Variants in NEGR1 observed in about 807,000 individuals in gnomAD.
NEGR1 encodes the protein neuronal growth regulator 1.
In NEGR1, 10 loss-of-function variants were observed where a neutral mutation model predicts 40.9. The observed-to-expected ratio is 0.24, with a 90% confidence interval of 0.15 to 0.42. The LOEUF (loss-of-function observed/expected upper bound fraction) is 0.42. Among genes scored for constraint, NEGR1 ranks in the 10% least tolerant of loss-of-function variants. The pLI is 1.00. For synonymous variants in NEGR1, 185 were observed against 166.8 expected (o/e 1.11, Z -0.84); for missense variants, 352 against 438.9 (o/e 0.80, Z 1.77).
At chr1:71,484,074 AC>A (rs1646871816) in intron 6 of NEGR1, among the ~76,000 whole-genome samples, 3 of 151,682 alleles carry the variant, frequency 2.0e-5, no homozygotes, top group African/African-American at 7.3e-5. Context: ...ACCATATTCT[AC>A]TTATTTTACT....
intron 1 of NEGR1, among the ~76,000 whole-genome samples, chr1:72,265,861 A>G (rs1240506018): frequency 6.6e-6 from 1 of 150,860 alleles, no homozygotes; most frequent in African/African-American, 2.4e-5. Flanking sequence ...GTCCTACTAG[A>G]TAGGACTTAA....
chr1:71,709,254 C>T (rs116001460), intron 3 of NEGR1, among the ~76,000 whole-genome samples: 3,681 of 152,230 alleles, frequency 0.024, 66 homozygotes, highest in Non-Finnish European at 0.037. Flanking sequence ...GAATTCTCTG[C>T]GGAGAATTTT....
intron 1 of NEGR1, among the ~76,000 whole-genome samples, chr1:72,155,504 A>G (rs1349545076): frequency 6.6e-6 from 1 of 152,064 alleles, no homozygotes; most frequent in Non-Finnish European, 1.5e-5. Flanking sequence ...TCTCAAAAAA[A>G]GATGCATTAA....
intron 1 of NEGR1, among the ~76,000 whole-genome samples, chr1:72,144,221 G>T (rs977619791): frequency 2.0e-5 from 3 of 151,168 alleles, no homozygotes; most frequent in Admixed American, 2.0e-4. Flanking sequence ...GGTCTTGCAG[G>T]CACTCCCAAT....
intron 1 of NEGR1, among the ~76,000 whole-genome samples, chr1:72,062,401 T>C (rs1025658132): frequency 6.6e-6 from 1 of 151,940 alleles, no homozygotes; most frequent in African/African-American, 2.4e-5. Context: ...ATATTAGCAA[T>C]ATTCCTTAGG....
At chr1:71,897,798 A>T (rs1317661822) in intron 2 of NEGR1, among the ~76,000 whole-genome samples, 11 of 152,318 alleles carry the variant, frequency 7.2e-5, no homozygotes, top group African/African-American at 2.4e-4. Context: ...ATGGTACAAG[A>T]TCTCTAAAAA....
At chr1:72,066,392 C>T (rs1250073662) in intron 1 of NEGR1, among the ~76,000 whole-genome samples, 1 of 152,156 alleles carries the variant, frequency 6.6e-6, no homozygotes, top group Non-Finnish European at 1.5e-5. Flanking sequence ...TAGTCTCCTA[C>T]TTCTAGAGGC....
intron 6 of NEGR1, among the ~76,000 whole-genome samples, chr1:71,454,769 A>G (rs1162738876): frequency 6.6e-6 from 1 of 152,238 alleles, no homozygotes; most frequent in Non-Finnish European, 1.5e-5. Flanking sequence ...GACTCACAAG[A>G]TGTGCCTACC....
intron 1 of NEGR1, among the ~76,000 whole-genome samples, chr1:72,074,037 G>A (rs950370708): frequency 5.3e-5 from 8 of 151,914 alleles, no homozygotes; most frequent in African/African-American, 1.2e-4. Flanking sequence ...TCTATGATAC[G>A]CTATTTCATA....
chr1:71,782,356 T>C (rs1426838269), intron 2 of NEGR1, among the ~76,000 whole-genome samples: 3 of 152,174 alleles, frequency 2.0e-5, no homozygotes, highest in Admixed American at 6.6e-5. Context: ...ATCTAGTTTA[T>C]GGCATTTTTT....
chr1:72,278,588 T>C (rs1022502830), intron 1 of NEGR1, among the ~76,000 whole-genome samples: 1 of 152,110 alleles, frequency 6.6e-6, no homozygotes, highest in African/African-American at 2.4e-5. Flanking sequence ...TGTATTGTTC[T>C]AGAGCAGAGT....
At chr1:71,872,978 AC>A (rs1402217500) in intron 2 of NEGR1, among the ~76,000 whole-genome samples, 4 of 152,110 alleles carry the variant, frequency 2.6e-5, no homozygotes, top group South Asian at 2.1e-4. Flanking sequence ...CTTAGACTTA[AC>A]CGATGTTTCA....
intron 1 of NEGR1, among the ~76,000 whole-genome samples, chr1:72,209,583 A>C (rs1653525323): frequency 2.0e-5 from 3 of 151,818 alleles, no homozygotes; most frequent in Non-Finnish European, 4.4e-5. Context: ...TGTAAGAAAT[A>C]TTTTCTAAAT....
At chr1:71,599,063 T>C (rs1649833641) in intron 5 of NEGR1, among the ~76,000 whole-genome samples, 1 of 152,236 alleles carries the variant, frequency 6.6e-6, no homozygotes. Context: ...TATGTTTTTA[T>C]ATTTTTGTAA....
At chr1:71,699,406 G>A (rs902844657) in intron 3 of NEGR1, among the ~76,000 whole-genome samples, 45 of 151,668 alleles carry the variant, frequency 3.0e-4, no homozygotes, top group African/African-American at 9.7e-4. Flanking sequence ...TGATTAAGTC[G>A]TATTTCCATT....
intron 4 of NEGR1, among the ~76,000 whole-genome samples, chr1:71,692,049 A>C (rs550605057): frequency 6.6e-6 from 1 of 151,844 alleles, no homozygotes; most frequent in South Asian, 2.1e-4. Flanking sequence ...CACTGTATTA[A>C]AACTATGGGT....
chr1:72,260,254 T>C (rs752801262), intron 1 of NEGR1, among the ~76,000 whole-genome samples: 36 of 152,204 alleles, frequency 2.4e-4, no homozygotes, highest in South Asian at 2.1e-4. Context: ...GGTTTTTATA[T>C]AGTATAAAGA....
At chr1:71,591,828 G>A (rs1649510013) in intron 6 of NEGR1, among the ~76,000 whole-genome samples, 1 of 152,012 alleles carries the variant, frequency 6.6e-6, no homozygotes, top group Admixed American at 6.6e-5. Flanking sequence ...ACTTATTACA[G>A]TATATTTTTA....
chr1:72,215,024 C>T (rs1176626605), intron 1 of NEGR1, among the ~76,000 whole-genome samples: 1 of 151,968 alleles, frequency 6.6e-6, no homozygotes, highest in South Asian at 2.1e-4. Flanking sequence ...GATACAGAGA[C>T]CAATGAAACT....
Sources: allele counts gnomAD v4.1 joint callset (sites outside exome capture counted in the v4.1 genomes callset), GRCh38; gene constraint gnomAD v4.1.1; transcripts MANE v1.5; gene names NCBI Gene and HGNC (gene_info 2026-07-23, HGNC 2026-07-21).